The following MARCHF11 variants were observed in gnomAD, a reference collection of about 807,000 sequenced individuals.
MARCHF11 encodes the protein E3 ubiquitin-protein ligase MARCHF11.
Under a neutral mutation model 37.3 loss-of-function variants are expected in MARCHF11, and 29 were observed. That is an observed-to-expected ratio of 0.78 (90% CI 0.58 to 1.06). The LOEUF (loss-of-function observed/expected upper bound fraction) is 1.06, where lower values mean the gene tolerates loss of function less well. MARCHF11 is among the 50% of genes least tolerant of loss of function. The pLI is 0.00. For missense variants in MARCHF11, 482 were observed against 533.4 expected, an observed-to-expected ratio of 0.90 and a Z score of 0.95; for synonymous variants, 233 against 228.0, an observed-to-expected ratio of 1.02 and a Z score of -0.20.
chr5:16,076,523 A>G (rs935655559), intron 3 of MARCHF11, among the ~76,000 whole-genome samples: 2 of 152,246 alleles, frequency 1.3e-5, no homozygotes, highest in African/African-American at 4.8e-5. Flanking sequence ...TAGTTGAATG[A>G]AGTTTCAGTT....
intron 2 of MARCHF11, among the ~76,000 whole-genome samples, chr5:16,100,354 G>C (rs2126562963): frequency 6.6e-6 from 1 of 152,306 alleles, no homozygotes. Flanking sequence ...TCAGAACAAA[G>C]GTAAAACTGG....
intron 2 of MARCHF11, among the ~76,000 whole-genome samples, chr5:16,171,706 T>C (rs998846703): frequency 6.6e-6 from 1 of 152,160 alleles, no homozygotes; most frequent in Non-Finnish European, 1.5e-5. Context: ...TCTGACCCTG[T>C]AGAGGAAAAG....
At chr5:16,113,819 A>C (rs1234239118) in intron 2 of MARCHF11, among the ~76,000 whole-genome samples, 1 of 152,114 alleles carries the variant, frequency 6.6e-6, no homozygotes, top group Non-Finnish European at 1.5e-5. Context: ...TGAAATATAC[A>C]ATATATTGCT....
rs893068450 is a variant in MARCHF11, at chr5:16,089,240, T to C, written c.886+1649A>G. On this transcript the variant is annotated intron_variant, in intron 3 of 3. Coordinates refer to ENST00000332432, the MANE Select transcript of MARCHF11 (RefSeq NM_001102562.3). ...GGCTCTTTTATTTTGCATCTCCCCT[T>C]TTAATATCAATGGAACACCTCATTT... Among the ~76,000 whole-genome samples, 47 of 152,114 alleles carry C rather than the reference T, an allele frequency of 3.1e-4. 1 individual carries two copies. The highest frequency in any genetic ancestry group is 3.5e-4 in the Non-Finnish European group (24 of 68,008).
intron 3 of MARCHF11, among the ~76,000 whole-genome samples, chr5:16,079,157 G>T (rs1736566569): frequency 6.6e-6 from 1 of 152,016 alleles, no homozygotes; most frequent in Non-Finnish European, 1.5e-5. Flanking sequence ...ACAACCTATT[G>T]CCCTCTACTA....
chr5:16,155,714 C>G (rs986495393), intron 2 of MARCHF11, among the ~76,000 whole-genome samples: 2 of 151,858 alleles, frequency 1.3e-5, no homozygotes, highest in African/African-American at 2.4e-5. Context: ...TGTTCTTGCC[C>G]GATTTTTGGG....
In MARCHF11 at chr5:16,177,824, A is replaced by C; in HGVS notation, c.595T>G (p.Cys199Gly). ...DGSVRYTHQL[C>G]LLKWISERGS... ...CTCTCACTGATCCATTTTAGCAGGC[A>C]CAGCTGATGTGTATACCGAACTGAC... is the stretch of plus-strand genomic sequence containing the variant. Residue 199 changes from cysteine (C) to glycine (G), a missense_variant, in exon 2 of 4, where the codon TGC (cysteine) becomes GGC (glycine). Physicochemically the swap from Cys to Gly is radical, Grantham distance 159. Coordinates refer to ENST00000332432, the MANE Select transcript of MARCHF11 (RefSeq NM_001102562.3). 1 of 1,613,664 alleles carries C rather than the reference A, an allele frequency of 6.2e-7. No individual in the cohort carries two copies. Among genetic ancestry groups the C allele is most frequent in the Non-Finnish European group, 8.5e-7 (1 of 1,179,736 alleles).
At chr5:16,067,913 C>T (rs1033390218) in intron 3 of MARCHF11, 120 bp from the exon 4 acceptor site, 2 of 870,528 alleles carry the variant, frequency 2.3e-6, no homozygotes, top group East Asian at 2.7e-5. Flanking sequence ...AGCAAAAATA[C>T]AGTATTCTGT....
intron 2 of MARCHF11, among the ~76,000 whole-genome samples, chr5:16,146,141 C>T (rs1013155314): frequency 6.6e-6 from 1 of 152,154 alleles, no homozygotes; most frequent in Non-Finnish European, 1.5e-5. Flanking sequence ...TCATGTCAAC[C>T]TCTTCAGTCA....
At chr5:16,162,865 G>T (rs1453283383) in intron 2 of MARCHF11, among the ~76,000 whole-genome samples, 1 of 151,972 alleles carries the variant, frequency 6.6e-6, no homozygotes, top group African/African-American at 2.4e-5. Context: ...ATCAATAAGA[G>T]ACCATCAAAT....
chr5:16,111,976 C>T (rs1322354997), intron 2 of MARCHF11, among the ~76,000 whole-genome samples: 1 of 152,188 alleles, frequency 6.6e-6, no homozygotes, highest in Non-Finnish European at 1.5e-5. Context: ...GGCATTGAGC[C>T]TGCAGGTGTA....
At chr5:16,165,642 G>A (rs914732898) in intron 2 of MARCHF11, among the ~76,000 whole-genome samples, 4 of 152,056 alleles carry the variant, frequency 2.6e-5, no homozygotes, top group Non-Finnish European at 5.9e-5. Context: ...TTAGACTATA[G>A]TTACGGGTTT....
At chr5:16,139,210 T>C (rs944074280) in intron 2 of MARCHF11, among the ~76,000 whole-genome samples, 1 of 152,182 alleles carries the variant, frequency 6.6e-6, no homozygotes, top group Non-Finnish European at 1.5e-5. Flanking sequence ...TGGAAGGTAA[T>C]TGAATCATGG....
intron 2 of MARCHF11, among the ~76,000 whole-genome samples, chr5:16,119,649 G>C (rs1361123557): frequency 6.7e-6 from 1 of 148,778 alleles, no homozygotes; most frequent in Non-Finnish European, 1.5e-5. Flanking sequence ...TAGGTTTTAA[G>C]ATGTTTAAAA....
intron 2 of MARCHF11, among the ~76,000 whole-genome samples, chr5:16,158,961 T>G (rs540561528): frequency 6.6e-6 from 1 of 151,928 alleles, no homozygotes; most frequent in Non-Finnish European, 1.5e-5. Context: ...AGAGTAGATT[T>G]TAAGTTGTTC....
chr5:16,068,142 T>C (rs548803315), intron 3 of MARCHF11, among the ~76,000 whole-genome samples: 7 of 152,182 alleles, frequency 4.6e-5, no homozygotes, highest in East Asian at 1.9e-4. Flanking sequence ...TGAGTGCTCA[T>C]TGTGTGGCCA....
At chr5:16,085,516 T>C (rs950030533) in intron 3 of MARCHF11, among the ~76,000 whole-genome samples, 3 of 144,384 alleles carry the variant, frequency 2.1e-5, no homozygotes, top group Non-Finnish European at 4.5e-5. Context: ...CTGATTAAAA[T>C]GTCAAACAAG....
intron 2 of MARCHF11, among the ~76,000 whole-genome samples, chr5:16,134,229 G>T (rs1362559879): frequency 6.6e-6 from 1 of 152,160 alleles, no homozygotes; most frequent in Non-Finnish European, 1.5e-5. Flanking sequence ...ATATATTGCT[G>T]TGGTTTACTG....
At chr5:16,085,319 G>A (rs528686099) in intron 3 of MARCHF11, among the ~76,000 whole-genome samples, 8 of 151,978 alleles carry the variant, frequency 5.3e-5, no homozygotes, top group Admixed American at 2.0e-4. Flanking sequence ...ATTAGAGCTC[G>A]TCTATGTCCC....
Sources: gnomAD v4.1 joint callset for allele counts (sites outside exome capture counted in the v4.1 genomes callset) on GRCh38, gnomAD v4.1.1 for gene constraint, MANE v1.5 for transcripts, NCBI Gene and HGNC (gene_info 2026-07-23, HGNC 2026-07-21) for gene names.